Variants in NCOR2 observed in about 807,000 individuals in gnomAD.
NCOR2 encodes CTG repeat protein 26.
In NCOR2, 81 loss-of-function variants were observed where a neutral mutation model predicts 262.9. That is an observed-to-expected ratio of 0.31 (90% CI 0.26 to 0.37). NCOR2 has a LOEUF of 0.37. Among genes scored for constraint, NCOR2 ranks in the 10% least tolerant of loss-of-function variants. The pLI, the probability that NCOR2 is intolerant of heterozygous loss-of-function variation, is 1.00. For synonymous variants in NCOR2, 1,659 were observed against 1,559.3 expected (o/e 1.06, Z -1.51); for missense variants, 3,385 against 3,621.4 (o/e 0.93, Z 1.68).
chr12:124,517,210 C>T lies in NCOR2; in HGVS notation c.-118+18355G>A, dbSNP rs1182543170. The stretch of plus-strand genomic sequence containing the variant: ...AGAGAGGACGGAGCCAGGACTCAAA[C>T]CCAGGTCTGTGGCAAAGGAGCAACA... On this transcript the variant is annotated intron_variant, in intron 1 of 46. Coordinates refer to the NCOR2 transcript ENST00000404621. The surrounding 1 kb of genome is among the most constrained non-coding windows in gnomAD (Gnocchi z 7.6). Among the ~76,000 whole-genome samples the T allele has an allele frequency of 2.0e-5, 3 of 152,152 alleles. No homozygotes were observed. Among genetic ancestry groups the T allele is most frequent in the Non-Finnish European group, 4.4e-5 (3 of 68,036 alleles).
chr12:124,533,211 G>A (rs1419872038), intron 1 of NCOR2, among the ~76,000 whole-genome samples: 1 of 151,636 alleles, frequency 6.6e-6, no homozygotes, highest in East Asian at 2.0e-4. Context: ...CTCCTGCCTA[G>A]TGGGGGGCCC....
At chr12:124,515,749 T>C (rs748447012) in intron 1 of NCOR2, among the ~76,000 whole-genome samples, 92 of 151,984 alleles carry the variant, frequency 6.1e-4, no homozygotes, top group Admixed American at 1.2e-3. Flanking sequence ...TGCGTGTGAG[T>C]ATACATGTGG....
At chr12:124,325,377 G>GCCCCCA (rs1555297219) in exon 47 of NCOR2, 4 of 251,138 alleles carry the variant, frequency 1.6e-5, no homozygotes, top group East Asian at 6.5e-5. Flanking sequence ...ACCTGACACC[G>GCCCCCA]CCCCCCCCCC....
intron 13 of NCOR2, among the ~76,000 whole-genome samples, chr12:124,404,141 T>G (rs1035687701): frequency 8.5e-5 from 13 of 152,214 alleles, no homozygotes; most frequent in African/African-American, 2.9e-4. Flanking sequence ...AGGGTTTTTT[T>G]GGCTTGTTCC....
intron 1 of NCOR2, chr12:124,513,736 C>G (rs1478003822): frequency 6.6e-6 from 1 of 152,270 alleles, no homozygotes; most frequent in African/African-American, 2.4e-5. Flanking sequence ...CCTCAACACA[C>G]AAGGCTGAGG....
chr12:124,356,982 G>A, intron 22 of NCOR2, 200 bp from the exon 25 acceptor site: 1 of 580,052 alleles, frequency 1.7e-6, no homozygotes, highest in Non-Finnish European at 2.6e-6. Context: ...GCTCAGCAGG[G>A]GAGGGGATCT....
chr12:124,341,977 C>G (rs376573640), exon 34 of NCOR2: 33 of 1,613,284 alleles, frequency 2.0e-5, no homozygotes, highest in Non-Finnish European at 2.6e-5. Context: ...GGTTCTCCAG[C>G]GCCGCCGTGT....
intron 22 of NCOR2, among the ~76,000 whole-genome samples, chr12:124,360,171 A>G (rs998047756): frequency 6.6e-6 from 1 of 152,198 alleles, no homozygotes; most frequent in Non-Finnish European, 1.5e-5. Context: ...GGCCCCTGAC[A>G]TGGATACACA....
At chr12:124,345,501 C>G (rs913269147) in intron 31 of NCOR2, among the ~76,000 whole-genome samples, 24 of 152,210 alleles carry the variant, frequency 1.6e-4, no homozygotes, top group Non-Finnish European at 2.2e-4. Flanking sequence ...AGCCAGGCCA[C>G]CAGGTCCCCT....
chr12:124,537,619 GCCAGTGTGTGCCACT>G (rs369234050), upstream of NCOR2, among the ~76,000 whole-genome samples: 294 of 152,296 alleles, frequency 1.9e-3, no homozygotes, highest in African/African-American at 3.9e-3. Context: ...TGCCCTCAGT[GCCAGTGTGTGCCACT>G]CCAGTGTGTG....
chr12:124,458,305 C>T (rs10846676), intron 5 of NCOR2, among the ~76,000 whole-genome samples: 76,932 of 152,112 alleles, frequency 0.51, 20,969 homozygotes, highest in East Asian at 0.59. Flanking sequence ...CCCAGGCTCC[C>T]GGGCTGCAGC....
chr12:124,545,110 C>G (rs2051499325), intron 1 of NCOR2, among the ~76,000 whole-genome samples: 1 of 152,114 alleles, frequency 6.6e-6, no homozygotes, highest in Non-Finnish European at 1.5e-5. Context: ...CGGGGTTCAC[C>G]AGGCCACCTC....
At chr12:124,348,679 C>T (rs2135874126) in intron 28 of NCOR2, 1 of 313,666 alleles carries the variant, frequency 3.2e-6, no homozygotes, top group East Asian at 6.1e-5. Context: ...AACAAGTGCA[C>T]ACACATGCAC....
At chr12:124,404,232 T>C (rs921433678) in intron 13 of NCOR2, among the ~76,000 whole-genome samples, 12 of 152,154 alleles carry the variant, frequency 7.9e-5, no homozygotes, top group African/African-American at 2.7e-4. Flanking sequence ...TGTGGCTGGC[T>C]GGGGAGAGAG....
intron 13 of NCOR2, among the ~76,000 whole-genome samples, chr12:124,407,350 G>A (rs2042332316): frequency 6.6e-6 from 1 of 152,250 alleles, no homozygotes; most frequent in Admixed American, 6.5e-5. Flanking sequence ...GGCGAGGGAA[G>A]GGGCTTTGGC....
exon 37 of NCOR2, chr12:124,340,049 C>T (rs1468533121): frequency 6.2e-7 from 1 of 1,612,788 alleles, no homozygotes; most frequent in East Asian, 2.2e-5. Flanking sequence ...GTGATGATAC[C>T]CTTCATGCCT....
exon 43 of NCOR2, chr12:124,332,386 C>T (rs1055379975): frequency 5.0e-6 from 8 of 1,614,092 alleles, no homozygotes; most frequent in Admixed American, 1.7e-5. Context: ...TGGACTTGAC[C>T]ATGGCGGAGT....
At chr12:124,554,725 C>A (rs1042555960) in intron 1 of NCOR2, among the ~76,000 whole-genome samples, 3 of 152,256 alleles carry the variant, frequency 2.0e-5, no homozygotes, top group African/African-American at 7.2e-5. Flanking sequence ...CCGCACAGTT[C>A]CGGGAGGTGC....
chr12:124,520,514 G>A (rs547780117), intron 1 of NCOR2, among the ~76,000 whole-genome samples: 9 of 152,272 alleles, frequency 5.9e-5, no homozygotes, highest in African/African-American at 9.6e-5. Context: ...CCCTCAGAGC[G>A]ACTGTGTGCT....
Sources: gnomAD v4.1 joint callset for allele counts (sites outside exome capture counted in the v4.1 genomes callset) on GRCh38, gnomAD v4.1.1 for gene constraint, Gnocchi (gnomAD v3.1) non-coding constraint, MANE v1.5 for transcripts, NCBI Gene and HGNC (gene_info 2026-07-23, HGNC 2026-07-21) for gene names.